The following SKAP2 variants were observed in gnomAD, a reference collection of about 807,000 sequenced individuals.
SKAP2 encodes the protein src kinase associated phosphoprotein 2, also known as src kinase-associated phosphoprotein 2.
A neutral mutation model predicts 54.9 loss-of-function variants in SKAP2; 28 were observed. The observed-to-expected ratio is 0.51, with a 90% CI of 0.38 to 0.70. The LOEUF (loss-of-function observed/expected upper bound fraction) is 0.70, where lower values mean the gene tolerates loss of function less well. Among genes scored for constraint, SKAP2 ranks in the 30% least tolerant of loss-of-function variants. SKAP2 has a pLI of 0.00. For missense variants in SKAP2, 356 were observed against 424.1 expected (o/e 0.84, Z 1.41); for synonymous variants, 137 against 134.3 (o/e 1.02, Z -0.14).
chr7:26,737,847 TATTA>T (rs1249141982), intron 6 of SKAP2, among the ~76,000 whole-genome samples: 3 of 152,240 alleles, frequency 2.0e-5, no homozygotes, highest in Admixed American at 6.5e-5. Flanking sequence ...CTGAGAGATT[TATTA>T]ATTAACAATG....
intron 4 of SKAP2, among the ~76,000 whole-genome samples, chr7:26,813,825 A>T (rs1784207945): frequency 6.6e-6 from 1 of 152,244 alleles, no homozygotes; most frequent in South Asian, 2.1e-4. Context: ...AGGTTATTTT[A>T]AATGAATATA....
chr7:26,762,463 A>G (rs908797575), intron 4 of SKAP2, among the ~76,000 whole-genome samples: 1 of 152,154 alleles, frequency 6.6e-6, no homozygotes. Flanking sequence ...AAATGTATGC[A>G]TATGTACATG....
chr7:26,720,831 T>G (rs1043557175), intron 9 of SKAP2, among the ~76,000 whole-genome samples: 1 of 152,134 alleles, frequency 6.6e-6, no homozygotes, highest in African/African-American at 2.4e-5. Flanking sequence ...CATCATTCAA[T>G]TATCTCCACC....
intron 4 of SKAP2, among the ~76,000 whole-genome samples, chr7:26,821,659 C>T (rs1436917525): frequency 2.0e-5 from 3 of 152,174 alleles, no homozygotes; most frequent in Non-Finnish European, 4.4e-5. Context: ...TCAAGCTCAA[C>T]AAACTTGATC....
intron 9 of SKAP2, 37 bp downstream of exon 9, chr7:26,725,391 C>A: frequency 6.6e-7 from 1 of 1,512,248 alleles, no homozygotes; most frequent in Non-Finnish European, 9.1e-7. Context: ...CACACACAGC[C>A]CTAAAATCTT....
chr7:26,720,874 G>A (rs1584351136), intron 9 of SKAP2, among the ~76,000 whole-genome samples: 1 of 151,964 alleles, frequency 6.6e-6, no homozygotes, highest in African/African-American at 2.4e-5. Context: ...GGATTTTATG[G>A]GTACTACAAT....
At chr7:26,819,271 C>G (rs573069344) in intron 4 of SKAP2, among the ~76,000 whole-genome samples, 4 of 151,978 alleles carry the variant, frequency 2.6e-5, no homozygotes, top group Non-Finnish European at 5.9e-5. Flanking sequence ...GTCCTTTGCA[C>G]GGACATGGAT....
intron 4 of SKAP2, among the ~76,000 whole-genome samples, chr7:26,743,898 T>C (rs186138222): frequency 2.4e-4 from 37 of 152,302 alleles, no homozygotes; most frequent in African/African-American, 8.9e-4. Flanking sequence ...AATTTCCCTA[T>C]AGTTAGGTTG....
chr7:26,718,153 G>A (rs1469727441), intron 9 of SKAP2, among the ~76,000 whole-genome samples: 1 of 152,030 alleles, frequency 6.6e-6, no homozygotes, highest in African/African-American at 2.4e-5. Context: ...CCAACACTTA[G>A]GCACAGTGCC....
At chr7:26,705,692 AAATAC>A (rs1787141275) in intron 9 of SKAP2, among the ~76,000 whole-genome samples, 1 of 152,236 alleles carries the variant, frequency 6.6e-6, no homozygotes, top group African/African-American at 2.4e-5. Context: ...TTTAGTGAGG[AAATAC>A]AATACACTAC....
At chr7:26,692,192 GA>G (rs772631070) in intron 9 of SKAP2, among the ~76,000 whole-genome samples, 7 of 138,554 alleles carry the variant, frequency 5.1e-5, no homozygotes, top group African/African-American at 1.5e-4. Context: ...GTGGAGGAAT[GA>G]GGGGGGGGAA....
downstream of SKAP2, among the ~76,000 whole-genome samples, chr7:26,662,404 T>C (rs1786027649): frequency 6.6e-6 from 1 of 152,110 alleles, no homozygotes; most frequent in African/African-American, 2.4e-5. Flanking sequence ...TATCACAAAA[T>C]CAGAGAACCT....
At chr7:26,793,517 ATT>A (rs1562612550) in intron 4 of SKAP2, among the ~76,000 whole-genome samples, 3 of 152,098 alleles carry the variant, frequency 2.0e-5, no homozygotes, top group African/African-American at 7.2e-5. Context: ...AAGTTTTAAA[ATT>A]TTTTTCTATT....
chr7:26,713,076 T>A (rs938916496), intron 9 of SKAP2, among the ~76,000 whole-genome samples: 6 of 152,202 alleles, frequency 3.9e-5, no homozygotes, highest in Admixed American at 3.9e-4. Flanking sequence ...TTCTCTCCAA[T>A]CTCATTTTAA....
At chr7:26,828,404 G>A (rs1784536439) in intron 4 of SKAP2, among the ~76,000 whole-genome samples, 1 of 152,286 alleles carries the variant, frequency 6.6e-6, no homozygotes, top group Non-Finnish European at 1.5e-5. Context: ...AAGGCCGGGC[G>A]CGGTGGCTAA....
chr7:26,678,584 G>A (rs542580084), intron 11 of SKAP2, among the ~76,000 whole-genome samples: 55 of 151,970 alleles, frequency 3.6e-4, no homozygotes, highest in Non-Finnish European at 4.0e-4. Context: ...GGGACTACAG[G>A]TGCGCACCAC....
At chr7:26,753,890 A>C (rs1053030173) in intron 4 of SKAP2, among the ~76,000 whole-genome samples, 1 of 152,178 alleles carries the variant, frequency 6.6e-6, no homozygotes, top group Non-Finnish European at 1.5e-5. Context: ...CATGAAGAAC[A>C]AAGAGGTCAT....
chr7:26,657,067 GAAT>G, the SKAP2 span, among the ~76,000 whole-genome samples: 58 of 152,214 alleles, frequency 3.8e-4, no homozygotes, highest in Middle Eastern at 3.4e-3. Flanking sequence ...CAAACGGTCT[GAAT>G]AATAATAATA....
intron 4 of SKAP2, among the ~76,000 whole-genome samples, chr7:26,755,575 T>C (rs985714197): frequency 1.3e-5 from 2 of 152,166 alleles, no homozygotes; most frequent in Admixed American, 1.3e-4. Flanking sequence ...GTTTATTGAT[T>C]TGTAGTGTTT....
Sources: allele counts gnomAD v4.1 joint callset (sites outside exome capture counted in the v4.1 genomes callset), GRCh38; gene constraint gnomAD v4.1.1; transcripts MANE v1.5; gene names NCBI Gene and HGNC (gene_info 2026-07-23, HGNC 2026-07-21).